FNTB: variants seen among roughly 807,000 people sequenced by gnomAD.
The protein encoded by FNTB is farnesyltransferase, CAAX box, subunit beta, also known as protein farnesyltransferase subunit beta.
A neutral mutation model predicts 59.4 loss-of-function variants in FNTB; 27 were observed. That is an observed-to-expected ratio of 0.45 (90% CI 0.34 to 0.63). The LOEUF (loss-of-function observed/expected upper bound fraction) is 0.63. Among genes scored for constraint, FNTB ranks in the 20% least tolerant of loss-of-function variants. FNTB has a pLI of 0.02. For synonymous variants in FNTB, 230 were observed against 220.7 expected (o/e 1.04, Z -0.37); for missense variants, 449 against 559.6 (o/e 0.80, Z 1.99).
chr14:64,987,162 A>C, intron 1 of FNTB, 65 bp downstream of exon 1: 1 of 1,590,106 alleles, frequency 6.3e-7, no homozygotes, highest in Non-Finnish European at 8.6e-7. Flanking sequence ...TCCCGTTCGT[A>C]GGGCCGCCCG....
At chr14:65,039,229 G>A (rs1371579444) in intron 7 of FNTB, among the ~76,000 whole-genome samples, 2 of 152,310 alleles carry the variant, frequency 1.3e-5, no homozygotes, top group South Asian at 2.1e-4. Context: ...AGTTCCCTCA[G>A]AGAGGAATCT....
In FNTB at chr14:65,054,761, A is replaced by G; in HGVS notation, c.1182+72A>G. 2 of 1,487,418 alleles carry G rather than the reference A, an allele frequency of 1.3e-6. No individual in the cohort carries two copies. The highest frequency in any genetic ancestry group is 1.8e-6 in the Non-Finnish European group (2 of 1,091,610). The allele number at this position is 1,487,418 out of a possible 1,614,324, so 92.1% of individuals were successfully genotyped here. A position where few individuals can be genotyped will look rare whatever the true frequency, so the allele number is the denominator to read the frequency against. On this transcript the variant is annotated intron_variant, in intron 11 of 11. Transcript: ENST00000246166. This position sits in a 1 kb window ranked among gnomAD's most constrained non-coding sequence, Gnocchi z 4.4. ...CGGACAGAAGGCTTTCCAAGTAAGCAGAACTGGCTCTGCATTTCCTGTGTG... is the reference window on the plus strand; with the variant it reads ...CGGACAGAAGGCTTTCCAAGTAAGCGGAACTGGCTCTGCATTTCCTGTGTG...
rs1566586016 is a variant in FNTB at position 65,061,711 on chromosome 14, C to G, written c.*399C>G. 5.4e-6 allele frequency: 1 copy of G among 184,982 alleles called. No homozygotes were observed. Among genetic ancestry groups the G allele is most frequent in the Non-Finnish European group, 1.2e-5 (1 of 85,932 alleles). 11.5% of individuals were successfully genotyped at this position (184,982 alleles called of 1,614,324 possible). On this transcript the variant is annotated 3_prime_UTR_variant, in exon 12 of 12. Transcript: ENST00000246166. ...ATTCAGTCACCAGACTGGGTGCCCT[C>G]CGATGGGTGGAATAAGTCTGCTTCA...
chr14:65,022,801 ATTG>A (rs1284463361), intron 4 of FNTB, among the ~76,000 whole-genome samples: 8 of 152,120 alleles, frequency 5.3e-5, no homozygotes, highest in Non-Finnish European at 1.2e-4. Context: ...AAGCATTTTT[ATTG>A]TTGTTCTTCA....
rs371580562 is a variant in FNTB, at chr14:65,008,739, G to A, written c.210-3578G>A. 5.9e-5 allele frequency among the ~76,000 whole-genome samples: 9 copies of A among 152,352 alleles called. 1 individual carries two copies. In the East Asian group the frequency reaches 1.7e-3, roughly 29 times the overall value. On this transcript the variant is annotated intron_variant, in intron 2 of 11. Transcript: ENST00000246166. The stretch of plus-strand genomic sequence containing the variant: ...GCAGCATGACCAGAGCTCAGGGGCG[G>A]AGATGAGGTTGGAGAGTAGTGTGGG...
At chr14:64,999,228 A>G (rs1477818264) in intron 1 of FNTB, among the ~76,000 whole-genome samples, 4 of 152,150 alleles carry the variant, frequency 2.6e-5, no homozygotes, top group Non-Finnish European at 1.5e-5. Context: ...ACTTGAGGTC[A>G]GGAGTTTGAG....
In FNTB at chr14:64,999,024, C is replaced by G. The variant is rs977537694; in HGVS notation, c.145-5225C>G. ...AAAAGAAAAGGAGTACTGGTACATG[C>G]TACAGCATAGATGAGCTTTGAAAAC... On this transcript the variant is annotated intron_variant, in intron 1 of 11. Coordinates refer to ENST00000246166, the MANE Select transcript of FNTB (RefSeq NM_002028.4). Among the ~76,000 whole-genome samples, 3 of 152,132 alleles carry G rather than the reference C, an allele frequency of 2.0e-5. No individual in the cohort carries two copies. In the South Asian group the frequency reaches 6.2e-4, roughly 31 times the overall value.
rs754435479 is a variant in FNTB at position 65,054,621 on chromosome 14, A to G, written c.1114A>G (p.Ile372Val). 1.7e-5 allele frequency: 27 copies of G among 1,613,796 alleles called. No homozygotes were observed. Among genetic ancestry groups the G allele is most frequent in the Non-Finnish European group, 2.0e-5 (24 of 1,179,940 alleles). ...HTCYCLSGLS[I>V]AQHFGSGAML... ...CTGCTACTGCCTGAGCGGCCTGTCC[A>G]TAGCCCAGCACTTCGGCAGCGGAGC... The change falls in exon 11 of 12, where the codon ATA (isoleucine) becomes GTA (valine). Residue 372 changes from isoleucine to valine, a missense_variant. Physicochemically the swap from Ile to Val is conservative, Grantham distance 29. This residue lies in a region of FNTB where 337 missense variants were observed against 479.1 expected (regional missense o/e 0.70). Transcript: ENST00000246166. This position sits in a 1 kb window ranked among gnomAD's most constrained non-coding sequence, Gnocchi z 4.4.
chr14:65,038,013 C>T (rs2062253030), intron 7 of FNTB, among the ~76,000 whole-genome samples: 1 of 152,078 alleles, frequency 6.6e-6, no homozygotes, highest in African/African-American at 2.4e-5. Context: ...GATCCTCCTG[C>T]CTTGGTCTCC....
At chr14:65,004,398 A>G in intron 2 of FNTB, 85 bp downstream of exon 2, 1 of 1,407,328 alleles carries the variant, frequency 7.1e-7, no homozygotes, top group East Asian at 2.3e-5. Flanking sequence ...AGCGAATCTA[A>G]CCACGGGGAG....
At chr14:65,015,131 C>G (rs1275998996) in intron 3 of FNTB, among the ~76,000 whole-genome samples, 9 of 147,528 alleles carry the variant, frequency 6.1e-5, no homozygotes, top group Non-Finnish European at 1.2e-4. Context: ...GAGACGGAGT[C>G]TTGCTCTGTC....
rs1443456663 is a variant in FNTB at position 64,988,293 on chromosome 14, C to T, written c.144+1196C>T. On this transcript the variant is annotated intron_variant, in intron 1 of 11. Transcript: ENST00000246166. ...CAGGTTGGTTTGCCTACCAGTGTGT[C>T]CCAGGGAAGGCTGACTGCAAAAGAT... 4.6e-5 allele frequency among the ~76,000 whole-genome samples: 7 copies of T among 152,146 alleles called. No homozygotes were observed. In the South Asian group the frequency reaches 1.2e-3, roughly 27 times the overall value.
At chr14:65,015,558 A>G (rs754162564) in intron 3 of FNTB, 67 bp from the exon 4 acceptor site, 13 of 1,564,782 alleles carry the variant, frequency 8.3e-6, no homozygotes, top group Non-Finnish European at 1.1e-5. Context: ...AGACAGATAC[A>G]GCCTTGGCAG....
At position 65,047,450 on chromosome 14, in the gene FNTB, A is replaced by C. The variant is rs58044665; in HGVS notation, c.955+3007A>C. 6.4e-3 allele frequency among the ~76,000 whole-genome samples: 974 copies of C among 152,348 alleles called. 62 individuals are homozygous for C. The East Asian group carries it at 0.15, about 24-fold the overall frequency. Reference sequence around the variant, plus strand: ...TTGTTTAGCTCACTTGTAGTAAAAGAAATGCTAATCAAAAGAGTGGCACTA... The same window carrying C: ...TTGTTTAGCTCACTTGTAGTAAAAGCAATGCTAATCAAAAGAGTGGCACTA... On this transcript the variant is annotated intron_variant, in intron 9 of 11. Transcript: ENST00000246166. The surrounding 1 kb of genome is among the most constrained non-coding windows in gnomAD (Gnocchi z 5.2).
intron 7 of FNTB, 42 bp from the exon 8 acceptor site, chr14:65,040,748 A>G: frequency 6.2e-7 from 1 of 1,600,818 alleles, no homozygotes; most frequent in Non-Finnish European, 8.5e-7. Context: ...GTGTACGTCC[A>G]CTCACTGGCC....
chr14:65,054,737 G>A lies in FNTB; in HGVS notation c.1182+48G>A, dbSNP rs371318833. On this transcript the variant is annotated intron_variant, in intron 11 of 11. Transcript: ENST00000246166. The surrounding 1 kb of genome is among the most constrained non-coding windows in gnomAD (Gnocchi z 4.4). ...CACCCCTTCTCCACAGGGACCTCGC[G>A]GACAGAAGGCTTTCCAAGTAAGCAG... 54 of 1,551,928 alleles carry A rather than the reference G, an allele frequency of 3.5e-5. No individual in the cohort carries two copies. The highest frequency in any genetic ancestry group is 7.1e-5 in the South Asian group (6 of 85,032).
At chr14:65,041,288 T>G (rs552725259) in intron 8 of FNTB, among the ~76,000 whole-genome samples, 8 of 152,216 alleles carry the variant, frequency 5.3e-5, no homozygotes, top group African/African-American at 1.9e-4. Flanking sequence ...AACCAAACTT[T>G]TATTACCTGC....
Position 65,058,513 on chromosome 14 carries a change from G to A in FNTB, c.1183-2668G>A, listed in dbSNP as rs1393594286. Among the ~76,000 whole-genome samples, 3 of 152,154 alleles carry A rather than the reference G, an allele frequency of 2.0e-5. No homozygotes were observed. The South Asian group carries it at 6.2e-4, about 32-fold the overall frequency. The stretch of plus-strand genomic sequence containing the variant: ...CACATAGTGCTGACTAAAGGTAGTA[G>A]AGGGCATTCGTCTCTTGCTCCTGAT... On this transcript the variant is annotated intron_variant, in intron 11 of 11. Coordinates refer to ENST00000246166, the MANE Select transcript of FNTB (RefSeq NM_002028.4).
Position 64,990,949 on chromosome 14 carries a change from G to A in FNTB, c.144+3852G>A, listed in dbSNP as rs532021408. Among the ~76,000 whole-genome samples the A allele has an allele frequency of 4.6e-5, 7 of 152,242 alleles. No individual in the cohort carries two copies. The South Asian group carries it at 1.5e-3, about 32-fold the overall frequency. On this transcript the variant is annotated intron_variant, in intron 1 of 11. Transcript: ENST00000246166. The surrounding 1 kb of genome is among the most constrained non-coding windows in gnomAD (Gnocchi z 5.2). Reference sequence around the variant, plus strand: ...TTTTGTTAATGCAGATGCAGGGAGGGCCTTTCATGACACTAGAGAACAAGA... The same window carrying A: ...TTTTGTTAATGCAGATGCAGGGAGGACCTTTCATGACACTAGAGAACAAGA...
Sources: allele counts gnomAD v4.1 joint callset (sites outside exome capture counted in the v4.1 genomes callset), GRCh38; gene constraint gnomAD v4.1.1; regional missense constraint gnomAD v4.1.1; non-coding constraint Gnocchi (gnomAD v3.1); transcripts MANE v1.5; gene names NCBI Gene and HGNC (gene_info 2026-07-23, HGNC 2026-07-21).